Variants in SLC4A4 observed in about 807,000 individuals in gnomAD.
SLC4A4 encodes solute carrier family 4 member 4, also known as electrogenic sodium bicarbonate cotransporter 1.
A neutral mutation model predicts 111.5 loss-of-function variants in SLC4A4; 27 were observed. That is an observed-to-expected ratio of 0.24 (90% CI 0.18 to 0.33). The LOEUF (loss-of-function observed/expected upper bound fraction) is 0.33. Among genes scored for constraint, SLC4A4 ranks in the 10% least tolerant of loss-of-function variants. The pLI, the probability that SLC4A4 is intolerant of heterozygous loss-of-function variation, is 1.00. For missense variants in SLC4A4, 909 were observed against 1,315.5 expected (o/e 0.69, Z 4.78); for synonymous variants, 443 against 463.4 (o/e 0.96, Z 0.57).
rs563330941 is a variant in SLC4A4 at position 71,570,900 on chromosome 4, A to G, written c.*3149A>G. 1.3e-4 allele frequency: 20 copies of G among 152,254 alleles called. No individual in the cohort carries two copies. Among genetic ancestry groups the G allele is most frequent in the African/African-American group, 2.9e-4 (12 of 41,512 alleles). The allele number at this position is 152,254 out of a possible 1,614,324, so 9.4% of individuals were successfully genotyped here. A position where few individuals can be genotyped will look rare whatever the true frequency, so the allele number is the denominator to read the frequency against. ...AGTAATGTCCCTGCCTCTTCTCCCA[A>G]TCAAGGTTGAGGAGTGGGGCTGGGG... On this transcript the variant is annotated 3_prime_UTR_variant, in exon 26 of 26. Transcript: ENST00000264485.
At chr4:71,134,349 T>G (rs1353249448) in intron 2 of SLC4A4, among the ~76,000 whole-genome samples, 2 of 152,226 alleles carry the variant, frequency 1.3e-5, no homozygotes, top group African/African-American at 4.8e-5. Context: ...TGGTCTTGCT[T>G]ATCATGCCAT....
chr4:71,487,287 A>G (rs1424712644), intron 15 of SLC4A4, among the ~76,000 whole-genome samples: 1 of 151,670 alleles, frequency 6.6e-6, no homozygotes, highest in African/African-American at 2.4e-5. Context: ...TTTAACTGCC[A>G]CATTGCATTA....
intron 3 of SLC4A4, 158 bp from the exon 4 acceptor site, chr4:71,339,212 G>C (rs1305077401): frequency 3.1e-6 from 5 of 1,613,996 alleles, no homozygotes; most frequent in African/African-American, 1.3e-5. Flanking sequence ...TTTCTTTTTG[G>C]CTTTAGATTG....
intron 22 of SLC4A4, among the ~76,000 whole-genome samples, chr4:71,558,771 G>A (rs1264260372): frequency 6.6e-6 from 1 of 151,532 alleles, no homozygotes; most frequent in Non-Finnish European, 1.5e-5. Context: ...TTTCGTCCAA[G>A]GATGCAAGAA....
intron 16 of SLC4A4, among the ~76,000 whole-genome samples, chr4:71,518,273 A>G (rs1732596149): frequency 1.3e-5 from 2 of 151,964 alleles, no homozygotes; most frequent in Non-Finnish European, 2.9e-5. Context: ...GGGTCATGCA[A>G]CCACAGAGGC....
At position 71,440,681 on chromosome 4, in the gene SLC4A4, G is replaced by A. The variant is rs1183898164; in HGVS notation, c.873G>A (p.Glu291=). 1 of 1,613,988 alleles carries A rather than the reference G, an allele frequency of 6.2e-7. No individual in the cohort carries two copies. The highest frequency in any genetic ancestry group is 1.3e-5 in the African/African-American group (1 of 74,902). Residue 291 remains glutamate (E), a synonymous_variant, in exon 8 of 26, where the codon GAG becomes GAA. Coordinates refer to ENST00000264485, the MANE Select transcript of SLC4A4 (RefSeq NM_001098484.3). ...DAEASNVLVG[E]VDFLDTPFIA... ...AAGCTTCCAACGTGCTTGTTGGGGA[G>A]GTTGACTTTTTGGATACTCCTTTCA...
At chr4:71,073,228 G>A (rs924572367) in intron 1 of SLC4A4, among the ~76,000 whole-genome samples, 1 of 152,070 alleles carries the variant, frequency 6.6e-6, no homozygotes, top group Non-Finnish European at 1.5e-5. Context: ...ACATTATGAA[G>A]TTTATCTCTT....
In SLC4A4 at chr4:71,569,765, A is replaced by G. The variant is rs1040718672; in HGVS notation, c.*2014A>G. The G allele has an allele frequency of 1.3e-5, 2 of 151,708 alleles. No homozygotes were observed. Among genetic ancestry groups the G allele is most frequent in the Non-Finnish European group, 3.0e-5 (2 of 67,786 alleles). The allele number at this position is 151,708 out of a possible 1,614,324, so 9.4% of individuals were successfully genotyped here. A position where few individuals can be genotyped will look rare whatever the true frequency, so the allele number is the denominator to read the frequency against. ...ATTATTCTGTCTCCTTGTAATTTTG[A>G]TTACAAAAATTTTATTATCCTGAGT... is the stretch of plus-strand genomic sequence containing the variant. On this transcript the variant is annotated 3_prime_UTR_variant, in exon 26 of 26. Transcript: ENST00000264485.
Position 71,497,651 on chromosome 4 carries a change from G to T in SLC4A4, c.2125G>T (p.Ala709Ser), listed in dbSNP as rs753466011. The change falls in exon 16 of 26, where the codon GCT (alanine) becomes TCT (serine). Residue 709 changes from alanine (A) to serine (S), a missense_variant. This residue lies in a region of SLC4A4 where 264 missense variants were observed against 356.8 expected (regional missense o/e 0.74). Coordinates refer to ENST00000264485, the MANE Select transcript of SLC4A4 (RefSeq NM_001098484.3). ...LFLGTYTSSM[A>S]LKKFKTSPYF... ...CTTGGGAACCTACACCTCTTCCATGGCTCTGAAAAAATTCAAAACTAGTCC... is the reference window on the plus strand; with the variant it reads ...CTTGGGAACCTACACCTCTTCCATGTCTCTGAAAAAATTCAAAACTAGTCC... 1 of 1,613,390 alleles carries T rather than the reference G, an allele frequency of 6.2e-7. No homozygotes were observed. Among genetic ancestry groups the T allele is most frequent in the South Asian group, 1.1e-5 (1 of 91,042 alleles).
intron 20 of SLC4A4, among the ~76,000 whole-genome samples, chr4:71,551,858 A>T (rs1424565659): frequency 6.6e-6 from 1 of 151,890 alleles, no homozygotes; most frequent in Non-Finnish European, 1.5e-5. Flanking sequence ...GTACTTCCTT[A>T]TCAGCTTAGA....
intron 3 of SLC4A4, among the ~76,000 whole-genome samples, chr4:71,308,095 C>T (rs144559639): frequency 1.1e-3 from 166 of 152,200 alleles, no homozygotes; most frequent in Non-Finnish European, 1.8e-3. Flanking sequence ...CTACTATATA[C>T]TCTTATAGTC....
chr4:71,365,635 T>C (rs376952461), intron 6 of SLC4A4, among the ~76,000 whole-genome samples: 3 of 152,216 alleles, frequency 2.0e-5, no homozygotes, highest in East Asian at 1.9e-4. Flanking sequence ...AGGAGATCTT[T>C]CTAGGTTTGT....
chr4:71,453,929 G>A (rs1049624937), intron 12 of SLC4A4, among the ~76,000 whole-genome samples: 4 of 152,144 alleles, frequency 2.6e-5, no homozygotes, highest in African/African-American at 9.7e-5. Context: ...AATTCTATTT[G>A]GGCAAAAGCA....
intron 3 of SLC4A4, among the ~76,000 whole-genome samples, chr4:71,297,627 G>A (rs964123064): frequency 2.2e-5 from 3 of 137,218 alleles, no homozygotes; most frequent in Non-Finnish European, 4.6e-5. Flanking sequence ...TAGCTCTGTC[G>A]CCCAGGCTGG....
At chr4:71,129,784 CA>C (rs35737857) in intron 2 of SLC4A4, among the ~76,000 whole-genome samples, 5,140 of 75,528 alleles carry the variant, frequency 0.068, 106 homozygotes, top group African/African-American at 0.12. Context: ...TACCATGCAC[CA>C]AAAAAAAAAA....
intron 6 of SLC4A4, among the ~76,000 whole-genome samples, chr4:71,367,756 G>A (rs1578933809): frequency 6.6e-6 from 1 of 152,288 alleles, no homozygotes; most frequent in South Asian, 2.1e-4. Context: ...GGCACAGATG[G>A]CCTGCTCACA....
chr4:71,129,784 C>CAAAAAAAAA (rs35737857), intron 2 of SLC4A4, among the ~76,000 whole-genome samples: 1 of 75,580 alleles, frequency 1.3e-5, no homozygotes, highest in African/African-American at 5.1e-5. Context: ...TACCATGCAC[C>CAAAAAAAAA]AAAAAAAAAA....
At chr4:71,113,553 C>T (rs1052750581) in intron 2 of SLC4A4, among the ~76,000 whole-genome samples, 1 of 152,160 alleles carries the variant, frequency 6.6e-6, no homozygotes, top group African/African-American at 2.4e-5. Flanking sequence ...TTACATTCTG[C>T]CCAGCTCCCC....
chr4:71,107,243 G>C (rs779937815), intron 2 of SLC4A4, among the ~76,000 whole-genome samples: 6 of 152,046 alleles, frequency 3.9e-5, no homozygotes, highest in Non-Finnish European at 5.9e-5. Flanking sequence ...ATTATTAATA[G>C]GAAGGGACTT....
Sources: gnomAD v4.1 joint callset for allele counts (sites outside exome capture counted in the v4.1 genomes callset) on GRCh38, gnomAD v4.1.1 for gene constraint, gnomAD v4.1.1 regional missense constraint, MANE v1.5 for transcripts, NCBI Gene and HGNC (gene_info 2026-07-23, HGNC 2026-07-21) for gene names.